Variants in AGBL4 observed in about 807,000 individuals in gnomAD.
AGBL4 encodes AGBL carboxypeptidase 4, also known as cytosolic carboxypeptidase 6.
Under a neutral mutation model 66.4 loss-of-function variants are expected in AGBL4, and 58 were observed. The observed-to-expected ratio is 0.87, with a 90% CI of 0.71 to 1.09. The LOEUF is 1.09. Ranked by LOEUF, AGBL4 falls within the 50% of genes least tolerant of loss-of-function variation. The pLI, the probability that AGBL4 is intolerant of heterozygous loss-of-function variation, is 0.00. For synonymous variants in AGBL4, 234 were observed against 222.9 expected, an observed-to-expected ratio of 1.05 and a Z score of -0.44; for missense variants, 579 against 631.0, an observed-to-expected ratio of 0.92 and a Z score of 0.88.
chr1:49,255,541 G>T (rs1272163692), intron 3 of AGBL4, among the ~76,000 whole-genome samples: 1 of 152,138 alleles, frequency 6.6e-6, no homozygotes, highest in Non-Finnish European at 1.5e-5. Context: ...TGGAGAAAAA[G>T]AAATGAGTAT....
chr1:48,640,275 A>G (rs1645733335), intron 8 of AGBL4, among the ~76,000 whole-genome samples: 1 of 152,216 alleles, frequency 6.6e-6, no homozygotes, highest in African/African-American at 2.4e-5. Context: ...ACTCTTAAGT[A>G]TCTTTTCTTT....
chr1:49,377,861 C>T (rs920452750), intron 3 of AGBL4, among the ~76,000 whole-genome samples: 3 of 152,040 alleles, frequency 2.0e-5, no homozygotes, highest in Non-Finnish European at 2.9e-5. Context: ...TTCTCTCTAC[C>T]AGGAATGATC....
chr1:48,679,182 T>C (rs1646414850), intron 6 of AGBL4, among the ~76,000 whole-genome samples: 1 of 152,210 alleles, frequency 6.6e-6, no homozygotes, highest in Admixed American at 6.5e-5. Flanking sequence ...GGGTAACATT[T>C]GTACAGATTG....
At chr1:49,643,334 A>G (rs561234302) in intron 3 of AGBL4, among the ~76,000 whole-genome samples, 7 of 151,988 alleles carry the variant, frequency 4.6e-5, no homozygotes, top group Admixed American at 2.0e-4. Flanking sequence ...CAGAGTATCA[A>G]TGAACTGTGG....
At chr1:49,706,636 G>A (rs1410703343) in intron 2 of AGBL4, among the ~76,000 whole-genome samples, 1 of 152,084 alleles carries the variant, frequency 6.6e-6, no homozygotes, top group African/African-American at 2.4e-5. Context: ...TCATTGTGAT[G>A]TTAGGGTGTC....
chr1:49,540,031 T>C (rs1318759274), intron 3 of AGBL4, among the ~76,000 whole-genome samples: 1 of 152,130 alleles, frequency 6.6e-6, no homozygotes, highest in East Asian at 1.9e-4. Context: ...TGTTATGAGC[T>C]ATGAGCCCAG....
intron 3 of AGBL4, among the ~76,000 whole-genome samples, chr1:49,273,324 C>T (rs1644099483): frequency 6.6e-6 from 1 of 151,348 alleles, no homozygotes; most frequent in African/African-American, 2.4e-5. Context: ...ATTAAAACTA[C>T]TAAATATAAA....
At chr1:49,122,762 T>A (rs1284337529) in intron 4 of AGBL4, among the ~76,000 whole-genome samples, 2 of 152,212 alleles carry the variant, frequency 1.3e-5, no homozygotes, top group Non-Finnish European at 2.9e-5. Flanking sequence ...TAATGTTTTT[T>A]ATAAGGATTG....
chr1:49,808,296 T>C (rs1645019058), intron 2 of AGBL4, among the ~76,000 whole-genome samples: 1 of 152,156 alleles, frequency 6.6e-6, no homozygotes, highest in African/African-American at 2.4e-5. Flanking sequence ...GAGATTTTAA[T>C]TTGGATTTCT....
At chr1:48,998,706 T>C (rs902726611) in intron 5 of AGBL4, among the ~76,000 whole-genome samples, 1 of 152,194 alleles carries the variant, frequency 6.6e-6, no homozygotes, top group African/African-American at 2.4e-5. Flanking sequence ...TGTGGATTCC[T>C]ATATAACTGT....
At chr1:49,831,190 A>G (rs1262620486) in intron 2 of AGBL4, among the ~76,000 whole-genome samples, 2 of 152,186 alleles carry the variant, frequency 1.3e-5, no homozygotes, top group Admixed American at 1.3e-4. Flanking sequence ...TCTATAAATT[A>G]CTTTGGGCAG....
rs1167835143 is a variant in AGBL4, at chr1:50,019,306, T to TCTCTCTCTCTCACACA, written c.34+4456_34+4457insTGTGTGAGAGAGAGAG. ...CTCTCTCTCTCTCTCTCTCTCTCTC[T>TCTCTCTCTCTCACACA]CACACACACACACACACACACACAC... On this transcript the variant is annotated intron_variant, in intron 1 of 13. Coordinates refer to ENST00000371839, the MANE Select transcript of AGBL4 (RefSeq NM_032785.4). 9.4e-3 allele frequency among the ~76,000 whole-genome samples: 456 copies of TCTCTCTCTCTCACACA among 48,384 alleles called. 15 individuals are homozygous for TCTCTCTCTCTCACACA. Among genetic ancestry groups the TCTCTCTCTCTCACACA allele is most frequent in the African/African-American group, 0.032 (426 of 13,484 alleles). The allele number at this position is 48,384 out of a possible 152,430, so 31.7% of individuals were successfully genotyped here.
intron 3 of AGBL4, among the ~76,000 whole-genome samples, chr1:49,464,734 C>A (rs1646587916): frequency 6.6e-6 from 1 of 151,448 alleles, no homozygotes; most frequent in South Asian, 2.1e-4. Flanking sequence ...GGGCTGATAC[C>A]CAAGCCACGA....
chr1:49,322,481 T>A (rs556485656), intron 3 of AGBL4, among the ~76,000 whole-genome samples: 1 of 152,226 alleles, frequency 6.6e-6, no homozygotes, highest in Non-Finnish European at 1.5e-5. Context: ...CTTGTGGATA[T>A]TACCTTATTT....
At chr1:49,697,479 C>A (rs1224131141) in intron 2 of AGBL4, 42 bp from the exon 3 acceptor site, 2 of 1,430,222 alleles carry the variant, frequency 1.4e-6, no homozygotes, top group South Asian at 1.3e-5. Context: ...AATAGAAGTT[C>A]ATGCAGCTCA....
intron 3 of AGBL4, chr1:49,269,404 A>G (rs1644004736): frequency 6.6e-6 from 1 of 152,236 alleles, no homozygotes; most frequent in African/African-American, 2.4e-5. Context: ...CAACAAATAG[A>G]AATAACCCTG....
intron 5 of AGBL4, among the ~76,000 whole-genome samples, chr1:48,912,882 A>G (rs1653263591): frequency 6.6e-6 from 1 of 152,168 alleles, no homozygotes; most frequent in Admixed American, 6.5e-5. Context: ...AACGTAAGGG[A>G]TAATAAACTC....
At chr1:49,916,399 G>A (rs1651499192) in intron 1 of AGBL4, among the ~76,000 whole-genome samples, 1 of 152,166 alleles carries the variant, frequency 6.6e-6, no homozygotes, top group African/African-American at 2.4e-5. Flanking sequence ...ATGATCTGAT[G>A]GAGCTGAAAA....
At chr1:48,811,511 C>G (rs1646048911) in intron 6 of AGBL4, among the ~76,000 whole-genome samples, 1 of 152,204 alleles carries the variant, frequency 6.6e-6, no homozygotes, top group Non-Finnish European at 1.5e-5. Flanking sequence ...GGTCTAAGAT[C>G]TGATTCTCAC....
Sources: allele counts gnomAD v4.1 joint callset (sites outside exome capture counted in the v4.1 genomes callset), GRCh38; gene constraint gnomAD v4.1.1; transcripts MANE v1.5; gene names NCBI Gene and HGNC (gene_info 2026-07-23, HGNC 2026-07-21).